NPFFR2: variants seen among roughly 807,000 people sequenced by gnomAD.
NPFFR2 encodes the protein neuropeptide FF receptor 2.
A neutral mutation model predicts 13.1 loss-of-function variants in NPFFR2; 15 were observed. The ratio of observed to expected loss-of-function variants is 1.15; its 90% CI spans 0.77 to 1.76. The LOEUF is 1.76. NPFFR2 is among the 40% of genes most tolerant of loss of function. The pLI, the probability that NPFFR2 is intolerant of heterozygous loss-of-function variation, is 0.00. For synonymous variants in NPFFR2, 190 were observed against 175.7 expected (o/e 1.08, Z -0.65); for missense variants, 572 against 503.5 (o/e 1.14, Z -1.30).
At chr4:72,038,840 A>G (rs34844683) in intron 1 of NPFFR2, among the ~76,000 whole-genome samples, 1 of 149,870 alleles carries the variant, frequency 6.7e-6, no homozygotes, top group African/African-American at 2.5e-5. Context: ...ATAATTTTGC[A>G]TAAGTGCCTA....
At chr4:72,118,393 G>T (rs1178252753) in intron 1 of NPFFR2, among the ~76,000 whole-genome samples, 2 of 152,116 alleles carry the variant, frequency 1.3e-5, no homozygotes, top group East Asian at 3.8e-4. Flanking sequence ...ACACTATGAA[G>T]TTTGTATAAT....
chr4:72,141,096 A>G (rs151104605), intron 3 of NPFFR2, among the ~76,000 whole-genome samples: 4,757 of 152,040 alleles, frequency 0.031, 237 homozygotes, highest in African/African-American at 0.11. Flanking sequence ...CTGTGGGATC[A>G]GTGGTGATAT....
intron 3 of NPFFR2, among the ~76,000 whole-genome samples, chr4:72,145,920 T>C (rs1469315159): frequency 6.6e-6 from 1 of 152,144 alleles, no homozygotes; most frequent in Non-Finnish European, 1.5e-5. Context: ...ATTAACATAA[T>C]GAAATTCAAT....
At chr4:72,062,270 A>G (rs1719940332) in intron 1 of NPFFR2, among the ~76,000 whole-genome samples, 1 of 152,094 alleles carries the variant, frequency 6.6e-6, no homozygotes, top group African/African-American at 2.4e-5. Context: ...CTTTTTCATG[A>G]AGGCCAAGGA....
At chr4:72,144,690 C>T (rs1032921009) in intron 3 of NPFFR2, among the ~76,000 whole-genome samples, 4 of 152,114 alleles carry the variant, frequency 2.6e-5, no homozygotes, top group Non-Finnish European at 5.9e-5. Context: ...AGCCCCACAC[C>T]ATACACAAAC....
intron 3 of NPFFR2, among the ~76,000 whole-genome samples, chr4:72,138,724 G>A (rs1191837259): frequency 5.3e-5 from 8 of 152,046 alleles, no homozygotes; most frequent in African/African-American, 9.7e-5. Flanking sequence ...ATAAACATAC[G>A]TGTGCATGTG....
chr4:72,059,411 C>G (rs1038837559), intron 1 of NPFFR2, among the ~76,000 whole-genome samples: 9 of 152,042 alleles, frequency 5.9e-5, no homozygotes, highest in African/African-American at 2.2e-4. Context: ...GAGCTGCACA[C>G]CAGATTCTAG....
chr4:72,069,006 T>C (rs1720163891), intron 1 of NPFFR2: 4 of 1,322,798 alleles, frequency 3.0e-6, no homozygotes, highest in Non-Finnish European at 1.0e-6. Flanking sequence ...GTGAAGCATG[T>C]AGATCAGTGA....
At chr4:72,071,178 A>C (rs1289370707) in intron 1 of NPFFR2, among the ~76,000 whole-genome samples, 1 of 152,146 alleles carries the variant, frequency 6.6e-6, no homozygotes, top group Non-Finnish European at 1.5e-5. Flanking sequence ...TTGTTAACCA[A>C]GCTCTCCAGG....
intron 1 of NPFFR2, among the ~76,000 whole-genome samples, chr4:72,112,648 C>T (rs575111987): frequency 1.3e-5 from 2 of 152,090 alleles, no homozygotes; most frequent in Admixed American, 6.6e-5. Context: ...TGGTCATTCA[C>T]ACCATGCCTG....
chr4:72,103,601 T>C (rs115566974), intron 1 of NPFFR2, among the ~76,000 whole-genome samples: 1 of 152,136 alleles, frequency 6.6e-6, no homozygotes, highest in Non-Finnish European at 1.5e-5. Context: ...GCTCACTTCA[T>C]TGGAGTCCAA....
At chr4:72,063,164 AT>A (rs1302161531) in intron 1 of NPFFR2, among the ~76,000 whole-genome samples, 2 of 152,230 alleles carry the variant, frequency 1.3e-5, no homozygotes, top group African/African-American at 4.8e-5. Context: ...TTTCAAAAAC[AT>A]TAATTTAGGG....
intron 3 of NPFFR2, among the ~76,000 whole-genome samples, chr4:72,145,896 G>A (rs536611785): frequency 1.3e-5 from 2 of 152,212 alleles, no homozygotes; most frequent in Non-Finnish European, 2.9e-5. Context: ...GCATAATAGT[G>A]TGATTATCTT....
intron 1 of NPFFR2, among the ~76,000 whole-genome samples, chr4:72,070,193 A>C (rs954568297): frequency 6.6e-6 from 1 of 152,192 alleles, no homozygotes; most frequent in Non-Finnish European, 1.5e-5. Flanking sequence ...TCTCATTGCT[A>C]TCAGCAACAT....
At position 72,085,370 on chromosome 4, in the gene NPFFR2, G is replaced by A. The variant is rs575913895; in HGVS notation, c.-7-43215G>A. Among the ~76,000 whole-genome samples the A allele has an allele frequency of 5.9e-5, 9 of 152,254 alleles. No homozygotes were observed. In the East Asian group the frequency reaches 1.2e-3, roughly 20 times the overall value. ...GAAAGTCTTTTGAGACAAAGGGCTC[G>A]TAACTTGGATTCTTGTTTTTTATAT... On this transcript the variant is annotated intron_variant, in intron 1 of 3. Transcript: ENST00000308744.
Position 72,057,856 on chromosome 4 carries a change from G to A in NPFFR2, c.-8+25656G>A, listed in dbSNP as rs370394353. Among the ~76,000 whole-genome samples the A allele has an allele frequency of 1.4e-4, 22 of 152,052 alleles. No homozygotes were observed. In the East Asian group the frequency reaches 1.7e-3, roughly 12 times the overall value. ...AAATGTATATTGCATCCCTCCATGC[G>A]TGATGCACTATGAAGAGTACCGTGT... On this transcript the variant is annotated intron_variant, in intron 1 of 3. Coordinates refer to ENST00000308744, the MANE Select transcript of NPFFR2 (RefSeq NM_004885.3).
chr4:72,046,659 G>A (rs1373068563), intron 1 of NPFFR2, among the ~76,000 whole-genome samples: 2 of 152,144 alleles, frequency 1.3e-5, no homozygotes, highest in Non-Finnish European at 2.9e-5. Flanking sequence ...AGCAGCTTTG[G>A]AACTAGATAA....
intron 1 of NPFFR2, among the ~76,000 whole-genome samples, chr4:72,057,668 G>A (rs552103962): frequency 1.4e-4 from 21 of 152,050 alleles, no homozygotes; most frequent in African/African-American, 4.6e-4. Flanking sequence ...ATAGATTCCA[G>A]GTGGACAAAT....
chr4:72,146,081 C>T (rs545209358), intron 3 of NPFFR2, among the ~76,000 whole-genome samples: 10 of 152,276 alleles, frequency 6.6e-5, no homozygotes, highest in African/African-American at 2.2e-4. Context: ...CAGATTTTTA[C>T]AGCTGTAAAG....
Sources: gnomAD v4.1 joint callset for allele counts (sites outside exome capture counted in the v4.1 genomes callset) on GRCh38, gnomAD v4.1.1 for gene constraint, MANE v1.5 for transcripts, NCBI Gene and HGNC (gene_info 2026-07-23, HGNC 2026-07-21) for gene names.